The following ACTR2 variants were observed in gnomAD, a reference collection of about 807,000 sequenced individuals.
ACTR2 encodes the protein actin related protein 2, also known as actin-related protein 2.
ACTR2 carries 5 observed loss-of-function variants against 50.2 expected under a neutral mutation model. The ratio of observed to expected loss-of-function variants is 0.10; its 90% CI spans 0.05 to 0.21. The LOEUF is 0.21. Ranked by LOEUF, ACTR2 falls within the 10% of genes least tolerant of loss-of-function variation. The pLI, the probability that ACTR2 is intolerant of heterozygous loss-of-function variation, is 1.00. For missense variants in ACTR2, 180 were observed against 480.6 expected, an observed-to-expected ratio of 0.37 and a Z score of 5.85; for synonymous variants, 140 against 162.9, an observed-to-expected ratio of 0.86 and a Z score of 1.07.
At chr2:65,229,485 G>A (rs1382103078) in intron 1 of ACTR2, among the ~76,000 whole-genome samples, 1 of 152,118 alleles carries the variant, frequency 6.6e-6, no homozygotes, top group Non-Finnish European at 1.5e-5. Flanking sequence ...GCCAGGCGCG[G>A]TGGCTCATGC....
chr2:65,256,469 T>C (rs1397555779), intron 6 of ACTR2, among the ~76,000 whole-genome samples: 1 of 152,188 alleles, frequency 6.6e-6, no homozygotes, highest in Non-Finnish European at 1.5e-5. Context: ...ATTACTAAAA[T>C]GAAACAGTAA....
chr2:65,249,679 G>A (rs1476957913), intron 3 of ACTR2, among the ~76,000 whole-genome samples: 2 of 152,156 alleles, frequency 1.3e-5, no homozygotes, highest in Non-Finnish European at 2.9e-5. Context: ...ACCAGTCAAG[G>A]GGTGCTCAGT....
chr2:65,238,445 G>A (rs895479273), intron 1 of ACTR2, among the ~76,000 whole-genome samples: 5 of 148,892 alleles, frequency 3.4e-5, no homozygotes, highest in African/African-American at 1.2e-4. Flanking sequence ...AGATCACGAG[G>A]TCAGGAGATC....
At chr2:65,257,653 G>T (rs373384571) in intron 6 of ACTR2, among the ~76,000 whole-genome samples, 2 of 152,136 alleles carry the variant, frequency 1.3e-5, no homozygotes, top group Admixed American at 6.6e-5. Context: ...TAACTGGCAT[G>T]AGATTTTGTG....
intron 3 of ACTR2, 124 bp downstream of exon 3, chr2:65,246,863 G>A (rs1373119362): frequency 5.5e-6 from 4 of 732,020 alleles, no homozygotes; most frequent in Non-Finnish European, 8.8e-6. Flanking sequence ...ATCTTATTAA[G>A]TATCTACTAT....
Position 65,259,527 on chromosome 2 carries a change from G to A in ACTR2, c.736-1720G>A, listed in dbSNP as rs112427185. 7.4e-3 allele frequency among the ~76,000 whole-genome samples: 1,119 copies of A among 152,000 alleles called. 27 individuals carry two copies. The highest frequency in any genetic ancestry group is 0.025 in the African/African-American group (1,024 of 41,434). ...GCAGATCACTTGAGGCCAGGAGCTC[G>A]AGACCAGCCCAGCCAACATGCAGAA... is the stretch of plus-strand genomic sequence containing the variant. On this transcript the variant is annotated intron_variant, in intron 6 of 8. Transcript: ENST00000260641.
intron 3 of ACTR2, among the ~76,000 whole-genome samples, chr2:65,250,778 C>T (rs1358805898): frequency 2.0e-5 from 3 of 150,476 alleles, no homozygotes; most frequent in African/African-American, 7.3e-5. Context: ...TTAACTAATA[C>T]ACTAAGAAAT....
chr2:65,246,272 G>A (rs1055493475), intron 2 of ACTR2: 3 of 291,506 alleles, frequency 1.0e-5, no homozygotes, highest in Non-Finnish European at 1.9e-5. Flanking sequence ...GTTTATTTGT[G>A]CTAATGCTCT....
At chr2:65,228,426 TA>T (rs533057087) in intron 1 of ACTR2, 18,840 of 135,340 alleles carry the variant, frequency 0.14, 1,603 homozygotes, top group African/African-American at 0.24. Context: ...CGGGTTTACT[TA>T]AAAAAAAAAA....
rs1181098775 is a variant in ACTR2, at chr2:65,270,647, ACAAC to A, written c.*1914_*1917del. The A allele has an allele frequency of 6.6e-6, 1 of 152,202 alleles. No individual in the cohort carries two copies. Among genetic ancestry groups the A allele is most frequent in the Non-Finnish European group, 1.5e-5 (1 of 68,036 alleles). The allele number at this position is 152,202 out of a possible 1,614,324, so 9.4% of individuals were successfully genotyped here. A position where few individuals can be genotyped will look rare whatever the true frequency, so the allele number is the denominator to read the frequency against. ...TAATTTTAAAATATGGGAGTAGAAA[ACAAC>A]AAAGAATGGAATGGACTCTTAAAAC... On this transcript the variant is annotated 3_prime_UTR_variant, in exon 9 of 9. Transcript: ENST00000260641.
At chr2:65,268,535 C>T in intron 8 of ACTR2, 29 bp from the exon 9 acceptor site, 2 of 1,598,072 alleles carry the variant, frequency 1.3e-6, no homozygotes, top group South Asian at 1.1e-5. Flanking sequence ...GCACATGTAC[C>T]ATTTCATTAT....
intron 6 of ACTR2, among the ~76,000 whole-genome samples, chr2:65,260,848 G>A (rs1028593429): frequency 1.3e-5 from 2 of 149,976 alleles, no homozygotes; most frequent in Admixed American, 6.7e-5. Flanking sequence ...TCCTGCCTCA[G>A]CCTCCCCGAG....
At position 65,245,923 on chromosome 2, in the gene ACTR2, T is replaced by A. The variant is rs183541047; in HGVS notation, c.160-601T>A. Among the ~76,000 whole-genome samples the A allele has an allele frequency of 3.6e-3, 547 of 152,352 alleles. 3 individuals carry two copies. The highest frequency in any genetic ancestry group is 0.012 in the African/African-American group (501 of 41,590). ...TTTTTTATAACTCTACAAATTCTCA[T>A]TCACCTTGGTGAGGCATATGTAGAA... On this transcript the variant is annotated intron_variant, in intron 2 of 8. Transcript: ENST00000260641.
chr2:65,260,781 G>T (rs1481503583), intron 6 of ACTR2, among the ~76,000 whole-genome samples: 4 of 147,736 alleles, frequency 2.7e-5, no homozygotes, highest in African/African-American at 1.0e-4. Flanking sequence ...CCCTGCTGGA[G>T]TGCAGTGGCG....
At chr2:65,231,923 C>T (rs149681223) in intron 1 of ACTR2, among the ~76,000 whole-genome samples, 235 of 152,282 alleles carry the variant, frequency 1.5e-3, no homozygotes, top group Non-Finnish European at 2.4e-3. Flanking sequence ...TCATGCAGCC[C>T]GTGGGCCATG....
chr2:65,255,797 G>A, intron 6 of ACTR2, 103 bp downstream of exon 6: 1 of 1,094,458 alleles, frequency 9.1e-7, no homozygotes, highest in East Asian at 2.5e-5. Context: ...TTTTTGTCTT[G>A]GGTTGTTGTA....
intron 1 of ACTR2, chr2:65,228,377 C>T (rs1414727148): frequency 1.2e-5 from 2 of 169,120 alleles, no homozygotes; most frequent in East Asian, 3.1e-4. Flanking sequence ...CCTTCCTCTT[C>T]CTGTATAGTT....
At chr2:65,256,874 TAAAAAAA>T (rs57631144) in intron 6 of ACTR2, among the ~76,000 whole-genome samples, 41 of 134,222 alleles carry the variant, frequency 3.1e-4, no homozygotes, top group Non-Finnish European at 3.4e-4. Context: ...TCCATGTCGG[TAAAAAAA>T]AAAAAAAAAA....
intron 7 of ACTR2, among the ~76,000 whole-genome samples, chr2:65,263,509 A>G (rs1443844675): frequency 2.0e-5 from 3 of 152,192 alleles, no homozygotes; most frequent in South Asian, 2.1e-4. Context: ...TACAGCAAGC[A>G]TTTATTTGTG....
Sources: allele counts gnomAD v4.1 joint callset (sites outside exome capture counted in the v4.1 genomes callset), GRCh38; gene constraint gnomAD v4.1.1; transcripts MANE v1.5; gene names NCBI Gene and HGNC (gene_info 2026-07-23, HGNC 2026-07-21).